The following MRPS18B variants were observed in gnomAD, a reference collection of about 807,000 sequenced individuals.
MRPS18B encodes the protein small ribosomal subunit protein mS40.
Under a neutral mutation model 28.4 loss-of-function variants are expected in MRPS18B, and 27 were observed. The ratio of observed to expected loss-of-function variants is 0.95; its 90% confidence interval spans 0.70 to 1.31. The LOEUF is 1.31. MRPS18B is among the 40% of genes most tolerant of loss of function. MRPS18B has a pLI of 0.00. For missense variants in MRPS18B, 343 were observed against 335.9 expected (o/e 1.02, Z -0.17); for synonymous variants, 118 against 123.7 (o/e 0.95, Z 0.30).
chr6:30,618,091 C>G, intron 1 of MRPS18B, 148 bp downstream of exon 1: 1 of 782,774 alleles, frequency 1.3e-6, no homozygotes, highest in South Asian at 1.6e-5. Flanking sequence ...CCCCCCCACA[C>G]CCCGCGCATT....
At position 30,625,585 on chromosome 6, in the gene MRPS18B, C is replaced by T; in HGVS notation, c.565C>T (p.Pro189Ser). The T allele has an allele frequency of 6.2e-7, 1 of 1,611,010 alleles. No individual in the cohort carries two copies. The highest frequency in any genetic ancestry group is 1.1e-5 in the South Asian group (1 of 91,048). ...TCATGGGGCTGTGAGTGCTACTCCGCCAGCCCCCACCCTGGTCTCAGGTGA... is the reference window on the plus strand; with the variant it reads ...TCATGGGGCTGTGAGTGCTACTCCGTCAGCCCCCACCCTGGTCTCAGGTGA... ...TSHGAVSATPPAPTLVSGDPW... is the reference protein window; with the variant it reads ...TSHGAVSATPSAPTLVSGDPW... Residue 189 changes from proline to serine, a missense_variant, in exon 7 of 7, where the codon CCA becomes TCA. Pro to Ser is a moderately conservative substitution (Grantham distance 74, BLOSUM62 -1). Transcript: ENST00000259873.
At chr6:30,619,878 C>A in intron 3 of MRPS18B, 43 bp from the exon 4 acceptor site, 2 of 1,610,694 alleles carry the variant, frequency 1.2e-6, no homozygotes, top group Non-Finnish European at 1.7e-6. Flanking sequence ...CTTTTTCTGA[C>A]GTGTTTGAAC....
rs753507164 is a variant in MRPS18B at position 30,619,508 on chromosome 6, C to G, written c.94C>G (p.Leu32Val). Residue 32 changes from leucine to valine, a missense_variant, in exon 2 of 7, where the codon CTT becomes GTT. Physicochemically the swap from Leu to Val is conservative, Grantham distance 32. Coordinates refer to ENST00000259873, the MANE Select transcript of MRPS18B (RefSeq NM_014046.4). ...TCCTTTGTAGGTTCCCCTCCAGACT[C>G]TTTGCACCAAAGCTCCCTCTGAGGA... Reference protein sequence around the residue: ...SHRVQVPLQTLCTKAPSEEDS... With the variant: ...SHRVQVPLQTVCTKAPSEEDS... The G allele has an allele frequency of 2.8e-5, 45 of 1,612,760 alleles. No individual in the cohort carries two copies. The highest frequency in any genetic ancestry group is 3.8e-5 in the Non-Finnish European group (45 of 1,179,880).
At chr6:30,625,345 C>G (rs1761457117) in intron 6 of MRPS18B, among the ~76,000 whole-genome samples, 157 bp from the exon 7 acceptor site, 1 of 152,240 alleles carries the variant, frequency 6.6e-6, no homozygotes, top group African/African-American at 2.4e-5. Flanking sequence ...TCAGCCCACA[C>G]TTGCCCTCTG....
At chr6:30,623,286 A>G (rs978483216) in intron 5 of MRPS18B, among the ~76,000 whole-genome samples, 1 of 151,898 alleles carries the variant, frequency 6.6e-6, no homozygotes, top group Non-Finnish European at 1.5e-5. Context: ...GTGGTGAGCC[A>G]ACATTGCGCC....
At chr6:30,622,919 C>T in intron 5 of MRPS18B, 21 bp downstream of exon 5, 1 of 1,609,692 alleles carries the variant, frequency 6.2e-7, no homozygotes, top group Non-Finnish European at 8.5e-7. Flanking sequence ...CATCCCTGCA[C>T]CACCAGAGAG....
chr6:30,618,077 ACC>A (rs3214308), intron 1 of MRPS18B, 134 bp downstream of exon 1: 134 of 647,886 alleles, frequency 2.1e-4, no homozygotes, highest in African/African-American at 1.7e-3. Flanking sequence ...ACTTCCTGCA[ACC>A]CCCCCCCCAC....
chr6:30,625,626 G>C lies in MRPS18B; in HGVS notation c.606G>C (p.Trp202Cys), dbSNP rs947103712. The C allele has an allele frequency of 1.2e-6, 2 of 1,612,864 alleles. No homozygotes were observed. The highest frequency in any genetic ancestry group is 2.7e-5 in the African/African-American group (2 of 74,894). Reference protein sequence around the residue: ...TLVSGDPWYPWYNWKQPPERE... With the variant: ...TLVSGDPWYPCYNWKQPPERE... ...TCTCAGGTGACCCCTGGTACCCATG[G>C]TACAACTGGAAACAGCCACCGGAGA... Residue 202 changes from tryptophan (W) to cysteine (C), a missense_variant, in exon 7 of 7, where the codon TGG becomes TGC. Trp to Cys is a radical substitution (Grantham distance 215, BLOSUM62 -2). Coordinates refer to ENST00000259873, the MANE Select transcript of MRPS18B (RefSeq NM_014046.4).
In MRPS18B at chr6:30,625,737, C is replaced by T. The variant is rs1761521453; in HGVS notation, c.717C>T (p.Pro239=). Residue 239 remains proline, a synonymous_variant, in exon 7 of 7, where the codon CCC becomes CCT. Transcript: ENST00000259873. ...GPPPESMPKM[P]PRTPAEASST... ...CACCTGAGTCAATGCCCAAGATGCC[C>T]CCTAGAACACCAGCGGAAGCCTCCT... 6.2e-7 allele frequency: 1 copy of T among 1,613,044 alleles called. No individual in the cohort carries two copies. The highest frequency in any genetic ancestry group is 8.5e-7 in the Non-Finnish European group (1 of 1,179,994).
Position 30,619,902 on chromosome 6 carries a change from G to T in MRPS18B, c.286-19G>T. 1 of 1,613,352 alleles carries T rather than the reference G, an allele frequency of 6.2e-7. No individual in the cohort carries two copies. Among genetic ancestry groups the T allele is most frequent in the Non-Finnish European group, 8.5e-7 (1 of 1,179,378 alleles). ...ACGTGTTTGAACATCCTTAACTGCT[G>T]TTTTTTTTCTCTCTACAGCGTCGGA... is the stretch of plus-strand genomic sequence containing the variant. On this transcript the variant is annotated intron_variant, in intron 3 of 6. Coordinates refer to ENST00000259873, the MANE Select transcript of MRPS18B (RefSeq NM_014046.4).
chr6:30,623,780 G>GTT (rs1326967547), intron 5 of MRPS18B, among the ~76,000 whole-genome samples: 2 of 144,466 alleles, frequency 1.4e-5, no homozygotes, highest in African/African-American at 2.5e-5. Context: ...ATTTTTTGTT[G>GTT]TTTTTTTTTT....
At chr6:30,625,454 C>T (rs767316659) in intron 6 of MRPS18B, 48 bp from the exon 7 acceptor site, 35 of 1,463,228 alleles carry the variant, frequency 2.4e-5, no homozygotes, top group Non-Finnish European at 3.0e-5. Flanking sequence ...TCATCTAAAC[C>T]ACCCTCCTCA....
In MRPS18B at chr6:30,619,722, A is replaced by G; in HGVS notation, c.201A>G (p.Arg67=). 1 of 1,614,110 alleles carries G rather than the reference A, an allele frequency of 6.2e-7. No individual in the cohort carries two copies. The change falls in exon 3 of 7, where the codon CGA becomes CGG. Residue 67 remains arginine, a synonymous_variant. Transcript: ENST00000259873. ...CTTTCATTTCAGAATACCAGGAGCG[A>G]TATGGTTCTCGCCCCGTCTGGGCTG... is the stretch of plus-strand genomic sequence containing the variant. ...KYLESEEYQE[R]YGSRPVWADY... is the part of the protein sequence containing the mutation.
chr6:30,625,437 TCTTA>T lies in MRPS18B; in HGVS notation c.482-61_482-58del. 1.1e-5 allele frequency: 15 copies of T among 1,418,406 alleles called. No homozygotes were observed. The South Asian group carries it at 2.1e-4, about 20-fold the overall frequency. 87.9% of individuals were successfully genotyped at this position (1,418,406 alleles called of 1,614,324 possible). A position where few individuals can be genotyped will look rare whatever the true frequency, so the allele number is the denominator to read the frequency against. On this transcript the variant is annotated intron_variant, in intron 6 of 6. Coordinates refer to ENST00000259873, the MANE Select transcript of MRPS18B (RefSeq NM_014046.4). The stretch of plus-strand genomic sequence containing the variant: ...TGGTCCTTCCCTTTATAATCCTTTT[TCTTA>T]CTTCATCTAAACCACCCTCCTCATT...
chr6:30,625,085 C>T lies in MRPS18B; in HGVS notation c.481+143C>T, dbSNP rs186701959. On this transcript the variant is annotated intron_variant, in intron 6 of 6. Coordinates refer to ENST00000259873, the MANE Select transcript of MRPS18B (RefSeq NM_014046.4). ...TCCTGACGTTACATTGTCCCCTGTCCTTTCTCCTGAGTGTCTTACTTTATC... is the reference window on the plus strand; with the variant it reads ...TCCTGACGTTACATTGTCCCCTGTCTTTTCTCCTGAGTGTCTTACTTTATC... The T allele has an allele frequency of 1.1e-5, 9 of 834,648 alleles. No individual in the cohort carries two copies. The East Asian group carries it at 2.4e-4, about 22-fold the overall frequency. The allele number at this position is 834,648 out of a possible 1,614,324, so 51.7% of individuals were successfully genotyped here.
intron 6 of MRPS18B, 57 bp downstream of exon 6, chr6:30,624,999 G>A (rs560880964): frequency 1.9e-6 from 3 of 1,590,324 alleles, no homozygotes; most frequent in Non-Finnish European, 8.6e-7. Flanking sequence ...AGATGACTTA[G>A]GGCTAGAAAA....
chr6:30,619,811 G>C lies in MRPS18B; in HGVS notation c.285+5G>C, dbSNP rs1210489596. The C allele has an allele frequency of 6.2e-7, 1 of 1,613,938 alleles. No individual in the cohort carries two copies. The highest frequency in any genetic ancestry group is 1.1e-5 in the South Asian group (1 of 91,068). On this transcript the variant is annotated splice_donor_5th_base_variant and intron_variant, in intron 3 of 6. Transcript: ENST00000259873. ...CGGACTCGGAAGACATGTATTGTGA[G>C]TTTCTGAGAGTGGGATGTGGAGTGC...
At position 30,617,913 on chromosome 6, in the gene MRPS18B, A is replaced by C. The variant is rs138552206; in HGVS notation, c.48A>C (p.Leu16=). 6.9e-5 allele frequency: 112 copies of C among 1,614,166 alleles called. 1 individual carries two copies. The highest frequency in any genetic ancestry group is 6.8e-4 in the African/African-American group (51 of 75,026). Residue 16 remains leucine (L), a synonymous_variant, in exon 1 of 7, where the codon CTA becomes CTC. Transcript: ENST00000259873. The part of the protein sequence containing the change: ...LNTVLRRLPM[L]SLFRGSHRVQ... ...CCGTGCTGAGGCGGCTTCCTATGCT[A>C]TCTCTCTTCCGAGGTTCTCACAGAG...
At position 30,626,249 on chromosome 6, in the gene MRPS18B, G is replaced by C. The variant is rs1326012399; in HGVS notation, c.*452G>C. Reference sequence around the variant, plus strand: ...AATGTTGCTGATAGGGATAAATCTTGAGGCTGAGGGCGGGTGGTACAGATG... The same window carrying C: ...AATGTTGCTGATAGGGATAAATCTTCAGGCTGAGGGCGGGTGGTACAGATG... On this transcript the variant is annotated 3_prime_UTR_variant, in exon 7 of 7. Transcript: ENST00000259873. The C allele has an allele frequency of 5.7e-6, 1 of 175,066 alleles. No homozygotes were observed. The highest frequency in any genetic ancestry group is 1.2e-5 in the Non-Finnish European group (1 of 82,674). The allele number at this position is 175,066 out of a possible 1,614,324, so 10.8% of individuals were successfully genotyped here.
Sources: allele counts gnomAD v4.1 joint callset (sites outside exome capture counted in the v4.1 genomes callset), GRCh38; gene constraint gnomAD v4.1.1; transcripts MANE v1.5; gene names NCBI Gene and HGNC (gene_info 2026-07-23, HGNC 2026-07-21).